XIRP2: variants seen among roughly 807,000 people sequenced by gnomAD.
XIRP2 encodes xin actin-binding repeat-containing protein 2.
A neutral mutation model predicts 277.0 loss-of-function variants in XIRP2; 236 were observed. The observed-to-expected ratio is 0.85, with a 90% CI of 0.77 to 0.95. The LOEUF is 0.95. Ranked by LOEUF, XIRP2 falls within the 40% of genes least tolerant of loss-of-function variation. The pLI is 0.00. For missense variants in XIRP2, 4,640 were observed against 4,157.5 expected (o/e 1.12, Z -3.19); for synonymous variants, 1,490 against 1,416.5 (o/e 1.05, Z -1.17).
chr2:166,970,167 T>C (rs1310888483), intron 2 of XIRP2, among the ~76,000 whole-genome samples: 2 of 152,066 alleles, frequency 1.3e-5, no homozygotes, highest in Non-Finnish European at 2.9e-5. Flanking sequence ...GCTTGCTCTA[T>C]ATCCTTCAGC....
chr2:167,026,960 G>T (rs1478027018), intron 2 of XIRP2, among the ~76,000 whole-genome samples: 1 of 151,984 alleles, frequency 6.6e-6, no homozygotes, highest in Non-Finnish European at 1.5e-5. Flanking sequence ...TTCAACTTTG[G>T]TGAATCTGAC....
intron 2 of XIRP2, among the ~76,000 whole-genome samples, chr2:166,906,700 T>C (rs543898818): frequency 1.4e-5 from 2 of 147,494 alleles, no homozygotes; most frequent in East Asian, 3.9e-4. Context: ...TCACACCTGT[T>C]TTCCCAGCAC....
chr2:167,030,289 C>A (rs1416533008), intron 2 of XIRP2, among the ~76,000 whole-genome samples: 1 of 151,994 alleles, frequency 6.6e-6, no homozygotes, highest in Non-Finnish European at 1.5e-5. Context: ...TTCTCTAGTA[C>A]TTTTGATTGT....
intron 3 of XIRP2, among the ~76,000 whole-genome samples, chr2:167,192,074 CA>C (rs1219456495): frequency 1.3e-5 from 2 of 151,876 alleles, no homozygotes; most frequent in Admixed American, 6.6e-5. Context: ...TTTAAAAGCA[CA>C]GTCTGGCAAT....
At chr2:167,213,348 AG>A (rs1303447088) in intron 4 of XIRP2, among the ~76,000 whole-genome samples, 1 of 152,214 alleles carries the variant, frequency 6.6e-6, no homozygotes, top group Non-Finnish European at 1.5e-5. Context: ...CTGTAGCCCA[AG>A]GTTTTAATTG....
intron 2 of XIRP2, among the ~76,000 whole-genome samples, chr2:167,098,739 T>C (rs1690398951): frequency 6.6e-6 from 1 of 152,238 alleles, no homozygotes; most frequent in African/African-American, 2.4e-5. Flanking sequence ...GTAGTCATTC[T>C]TTTTGTTGGT....
chr2:166,951,697 G>A (rs1180425319), intron 2 of XIRP2, among the ~76,000 whole-genome samples: 1 of 151,970 alleles, frequency 6.6e-6, no homozygotes, highest in African/African-American at 2.4e-5. Context: ...AGAAATCACT[G>A]GACCAGAGGT....
intron 2 of XIRP2, among the ~76,000 whole-genome samples, chr2:166,915,295 G>A (rs1192750871): frequency 5.7e-4 from 55 of 96,288 alleles, no homozygotes; most frequent in Admixed American, 5.3e-3. Flanking sequence ...GCAAGACTCC[G>A]TCTCAAAAAA....
chr2:167,080,804 C>G (rs1232257045), intron 2 of XIRP2, among the ~76,000 whole-genome samples: 2 of 152,056 alleles, frequency 1.3e-5, no homozygotes, highest in Admixed American at 1.3e-4. Context: ...TGTAGCCATT[C>G]CAATGGGTGC....
At chr2:167,093,739 C>A (rs1223829247) in intron 2 of XIRP2, among the ~76,000 whole-genome samples, 1 of 152,024 alleles carries the variant, frequency 6.6e-6, no homozygotes, top group Non-Finnish European at 1.5e-5. Flanking sequence ...GGGTTGGTTC[C>A]AAGTCTTTGC....
intron 2 of XIRP2, among the ~76,000 whole-genome samples, chr2:166,956,615 G>A (rs755232747): frequency 9.4e-4 from 143 of 151,884 alleles, no homozygotes; most frequent in Non-Finnish European, 1.6e-3. Context: ...AAAAGTCCAG[G>A]GTTGCTAGTT....
Position 167,243,348 on chromosome 2 carries a change from C to T in XIRP2, c.1956C>T (p.Cys652=). ...CTGAGCTAGCCAGAGGAGATGTCTG[C>T]ACAGCTCGGTGGATGTTTGAAACAA... is the stretch of plus-strand genomic sequence containing the variant. ...KIPELARGDV[C]TARWMFETRP... The change falls in exon 9 of 11, where the codon TGC becomes TGT. Residue 652 remains cysteine, a synonymous_variant. Transcript: ENST00000409195. 3 of 1,614,076 alleles carry T rather than the reference C, an allele frequency of 1.9e-6. No homozygotes were observed. The highest frequency in any genetic ancestry group is 1.3e-5 in the African/African-American group (1 of 75,026).
At position 167,246,328 on chromosome 2, in the gene XIRP2, G is replaced by A. The variant is rs1339566779; in HGVS notation, c.4936G>A (p.Glu1646Lys). 1 of 1,612,804 alleles carries A rather than the reference G, an allele frequency of 6.2e-7. No individual in the cohort carries two copies. The highest frequency in any genetic ancestry group is 2.2e-5 in the East Asian group (1 of 44,792). Residue 1646 changes from glutamate to lysine, a missense_variant, in exon 9 of 11, where the codon GAA (glutamate) becomes AAA (lysine). Physicochemically the swap from Glu to Lys is moderately conservative, Grantham distance 56. Coordinates refer to ENST00000409195, the MANE Select transcript of XIRP2 (RefSeq NM_152381.6). ...AACTCAATTATTAAACAGATCAACT[G>A]AATTTCATGCTGAAAAAGAAGAGAT... ...TKTQLLNRST[E>K]FHAEKEEIVK...
intron 2 of XIRP2, among the ~76,000 whole-genome samples, chr2:166,947,015 G>T (rs1685893302): frequency 6.6e-6 from 1 of 152,006 alleles, no homozygotes; most frequent in Non-Finnish European, 1.5e-5. Flanking sequence ...TGATAACACT[G>T]AAAAGTATGA....
At chr2:167,055,064 A>C (rs1342336786) in intron 2 of XIRP2, among the ~76,000 whole-genome samples, 1 of 152,236 alleles carries the variant, frequency 6.6e-6, no homozygotes, top group African/African-American at 2.4e-5. Flanking sequence ...TCACTCATGC[A>C]TCTGTGGTCT....
chr2:167,119,940 C>T (rs1691005836), intron 2 of XIRP2, among the ~76,000 whole-genome samples: 1 of 152,116 alleles, frequency 6.6e-6, no homozygotes, highest in Non-Finnish European at 1.5e-5. Flanking sequence ...TATGGATAAT[C>T]CACTTAGAGG....
chr2:166,909,960 G>A (rs1306675775), intron 2 of XIRP2, among the ~76,000 whole-genome samples: 1 of 152,176 alleles, frequency 6.6e-6, no homozygotes, highest in Non-Finnish European at 1.5e-5. Context: ...CAGGGATGAA[G>A]CCCACTTGAT....
intron 3 of XIRP2, among the ~76,000 whole-genome samples, chr2:167,168,656 C>G (rs1188270205): frequency 6.6e-6 from 1 of 152,112 alleles, no homozygotes; most frequent in East Asian, 1.9e-4. Flanking sequence ...GCTCTGTCGC[C>G]CAGGCTGGAG....
intron 2 of XIRP2, among the ~76,000 whole-genome samples, chr2:166,934,905 C>A (rs1190065508): frequency 6.6e-6 from 1 of 151,986 alleles, no homozygotes; most frequent in African/African-American, 2.4e-5. Context: ...GTGGCACACA[C>A]CTGTAGTCTC....
Sources: allele counts gnomAD v4.1 joint callset (sites outside exome capture counted in the v4.1 genomes callset), GRCh38; gene constraint gnomAD v4.1.1; transcripts MANE v1.5; gene names NCBI Gene and HGNC (gene_info 2026-07-23, HGNC 2026-07-21).